The following PTCHD1 variants were observed in gnomAD, a reference collection of about 807,000 sequenced individuals.
The protein encoded by PTCHD1 is patched domain containing 1, also known as patched domain-containing protein 1.
In PTCHD1, 3 loss-of-function variants were observed where a neutral mutation model predicts 34.6. The ratio of observed to expected loss-of-function variants is 0.09; its 90% CI spans 0.04 to 0.22. PTCHD1 has a LOEUF of 0.22. Among genes scored for constraint, PTCHD1 ranks in the 10% least tolerant of loss-of-function variants. The pLI is 1.00. For missense variants in PTCHD1, 504 were observed against 685.5 expected, an observed-to-expected ratio of 0.74 and a Z score of 2.96; for synonymous variants, 305 against 283.1, an observed-to-expected ratio of 1.08 and a Z score of -0.77.
intron 1 of PTCHD1, among the ~76,000 whole-genome samples, chrX:23,366,814 A>G (rs889010239): frequency 2.7e-5 from 3 of 110,942 alleles, no homozygotes; most frequent in Non-Finnish European, 5.7e-5. Flanking sequence ...ACTAATAGTA[A>G]CTAATAAATT....
At chrX:23,365,327 G>A (rs5925760) in intron 1 of PTCHD1, among the ~76,000 whole-genome samples, 14,964 of 111,144 alleles carry the variant, frequency 0.13, 967 homozygotes, top group South Asian at 0.24. Context: ...TGGGGAGTTG[G>A]TTTTAGAATG....
Position 23,398,905 on chromosome X carries a change from G to A in PTCHD1, c.*4720G>A, listed in dbSNP as rs1923057312. 9.0e-6 allele frequency: 1 copy of A among 111,606 alleles called. No homozygotes were observed. Among genetic ancestry groups the A allele is most frequent in the Non-Finnish European group, 1.9e-5 (1 of 53,168 alleles). The allele number at this position is 111,606 out of a possible 1,213,427, so 9.2% of individuals were successfully genotyped here. ...CTTTGATATCTATGAGAGCACCGTG[G>A]AAGGAAGAAGAAGGGAGGCGACCGG... On this transcript the variant is annotated 3_prime_UTR_variant, in exon 3 of 3. Coordinates refer to ENST00000379361, the MANE Select transcript of PTCHD1 (RefSeq NM_173495.3).
At chrX:23,382,753 T>C (rs1192707622) in intron 2 of PTCHD1, among the ~76,000 whole-genome samples, 1 of 112,772 alleles carries the variant, frequency 8.9e-6, no homozygotes, top group Non-Finnish European at 1.9e-5. Flanking sequence ...ACAATCAGTG[T>C]GCAACCTTTC....
chrX:23,391,183 G>A (rs766041360), intron 2 of PTCHD1, among the ~76,000 whole-genome samples: 1 of 111,500 alleles, frequency 9.0e-6, no homozygotes, highest in Admixed American at 9.5e-5. Context: ...CTGTACCTCT[G>A]CTATTTCAGT....
chrX:23,361,839 G>A (rs1372431524), intron 1 of PTCHD1, among the ~76,000 whole-genome samples: 1 of 111,735 alleles, frequency 8.9e-6, no homozygotes, highest in Non-Finnish European at 1.9e-5. Context: ...TTGTAAGGCA[G>A]GCCTGGGGGT....
intron 1 of PTCHD1, among the ~76,000 whole-genome samples, chrX:23,350,803 C>T (rs1379930790): frequency 2.7e-5 from 3 of 109,778 alleles, no homozygotes; most frequent in Non-Finnish European, 5.7e-5. Context: ...AAAGCTAGGT[C>T]GAAAGATAGG....
upstream of PTCHD1, chrX:23,334,553 G>A (rs1220469796): frequency 1.8e-5 from 2 of 108,265 alleles, no homozygotes; most frequent in African/African-American, 3.3e-5. Context: ...CCCCCCTGGC[G>A]GGGAGGCCGC....
At chrX:23,378,459 T>A (rs763119594) in intron 1 of PTCHD1, among the ~76,000 whole-genome samples, 9 of 112,279 alleles carry the variant, frequency 8.0e-5, no homozygotes, top group Non-Finnish European at 1.5e-4. Flanking sequence ...CGTACATATC[T>A]GAAATAGAGC....
rs749926808 is a variant in PTCHD1 at position 23,401,543 on chromosome X, A to G, written c.*7358A>G. ...GACACACATAAATGTACACATGCAT[A>G]TATGTGTGTACAACACAACTATAAA... On this transcript the variant is annotated 3_prime_UTR_variant, in exon 3 of 3. Coordinates refer to ENST00000379361, the MANE Select transcript of PTCHD1 (RefSeq NM_173495.3). 1 of 112,820 alleles carries G rather than the reference A, an allele frequency of 8.9e-6. No homozygotes were observed. Among genetic ancestry groups the G allele is most frequent in the South Asian group, 3.6e-4 (1 of 2,745 alleles). 9.3% of individuals were successfully genotyped at this position (112,820 alleles called of 1,213,427 possible). A position where few individuals can be genotyped will look rare whatever the true frequency, so the allele number is the denominator to read the frequency against.
At position 23,364,371 on chromosome X, in the gene PTCHD1, GACACACACACACACACACACAC is replaced by G. The variant is rs200572986; in HGVS notation, c.352-15197_352-15176del. ...TCATACCTTAATTATGAAGAGTGTA[GACACACACACACACACACACAC>G]ACACACACACACACACACACACCGT... On this transcript the variant is annotated intron_variant, in intron 1 of 2. Transcript: ENST00000379361. 9.3e-3 allele frequency among the ~76,000 whole-genome samples: 852 copies of G among 91,979 alleles called. 4 individuals are homozygous for G. The highest frequency in any genetic ancestry group is 0.014 in the Non-Finnish European group (663 of 46,662). 79.9% of individuals were successfully genotyped at this position (91,979 alleles called of 115,157 possible).
intron 1 of PTCHD1, among the ~76,000 whole-genome samples, chrX:23,371,273 T>G (rs1408737160): frequency 2.7e-5 from 3 of 110,886 alleles, no homozygotes; most frequent in African/African-American, 9.9e-5. Flanking sequence ...TAACCTGGAG[T>G]CAAGCACTTC....
chrX:23,369,074 GA>G (rs1569137717), intron 1 of PTCHD1, among the ~76,000 whole-genome samples: 1 of 110,713 alleles, frequency 9.0e-6, no homozygotes, highest in African/African-American at 3.3e-5. Context: ...TCTCAAAAAA[GA>G]AAAAAAAGAC....
Position 23,335,183 on chromosome X carries a change from A to G in PTCHD1, c.308A>G (p.Lys103Arg), listed in dbSNP as rs1281342752. 8.3e-7 allele frequency: 1 copy of G among 1,211,713 alleles called. No individual in the cohort carries two copies. Among genetic ancestry groups the G allele is most frequent in the South Asian group, 1.8e-5 (1 of 57,030 alleles). Residue 103 changes from lysine (K) to arginine (R), a missense_variant, in exon 1 of 3, where the codon AAA becomes AGA. Lys to Arg is a conservative substitution (Grantham distance 26). Coordinates refer to ENST00000379361, the MANE Select transcript of PTCHD1 (RefSeq NM_173495.3). ...YGRVIVTSFQ[K>R]ANMLDQHHTD... ...CGGGTCATCGTCACCTCCTTCCAGA[A>G]AGCCAACATGCTGGACCAGCATCAC...
At chrX:23,350,747 A>G (rs1221664856) in intron 1 of PTCHD1, among the ~76,000 whole-genome samples, 1 of 111,006 alleles carries the variant, frequency 9.0e-6, no homozygotes, top group Admixed American at 9.5e-5. Flanking sequence ...AGTAACATCA[A>G]ATTTACAAAA....
intron 2 of PTCHD1, among the ~76,000 whole-genome samples, chrX:23,392,074 C>CTTTTTTTT (rs763041195): frequency 6.3e-4 from 33 of 52,322 alleles, no homozygotes; most frequent in East Asian, 1.3e-3. Context: ...TTCTTTCTTT[C>CTTTTTTTT]TTTTTTTTTT....
intron 1 of PTCHD1, among the ~76,000 whole-genome samples, chrX:23,359,686 T>C (rs1449038300): frequency 8.9e-6 from 1 of 112,161 alleles, no homozygotes; most frequent in Non-Finnish European, 1.9e-5. Context: ...CAACACTATG[T>C]TGAATAGGAG....
At chrX:23,358,436 T>C (rs1012827891) in intron 1 of PTCHD1, among the ~76,000 whole-genome samples, 3 of 112,129 alleles carry the variant, frequency 2.7e-5, no homozygotes, top group Non-Finnish European at 5.7e-5. Flanking sequence ...TCCATGTGTC[T>C]GTTGGCTTCT....
chrX:23,334,929 C>T lies in PTCHD1; in HGVS notation c.54C>T (p.Gly18=), dbSNP rs1191127490. 3 of 1,203,859 alleles carry T rather than the reference C, an allele frequency of 2.5e-6. No individual in the cohort carries two copies. Among genetic ancestry groups the T allele is most frequent in the Non-Finnish European group, 3.4e-6 (3 of 891,818 alleles). Residue 18 remains glycine (G), a synonymous_variant, in exon 1 of 3, where the codon GGC becomes GGT. Transcript: ENST00000379361. The stretch of plus-strand genomic sequence containing the variant: ...TGAGGACGTGTTTCTCCCGGCTCGG[C>T]CACTTCATTGCCAGTCACCCTGTCT... The part of the protein sequence containing the change: ...RGLRTCFSRL[G]HFIASHPVFF...
At chrX:23,336,120 T>A (rs1418919831) in intron 1 of PTCHD1, among the ~76,000 whole-genome samples, 3 of 110,550 alleles carry the variant, frequency 2.7e-5, no homozygotes, top group Non-Finnish European at 5.7e-5. Context: ...TGCCATCAGC[T>A]TGAGGTGGGA....
Sources: allele counts gnomAD v4.1 joint callset (sites outside exome capture counted in the v4.1 genomes callset), GRCh38; gene constraint gnomAD v4.1.1; transcripts MANE v1.5; gene names NCBI Gene and HGNC (gene_info 2026-07-23, HGNC 2026-07-21).